The following SPIDR variants were observed in gnomAD, a reference collection of about 807,000 sequenced individuals.
SPIDR encodes DNA repair-scaffolding protein.
SPIDR carries 93 observed loss-of-function variants against 104.6 expected under a neutral mutation model. That is an observed-to-expected ratio of 0.89 (90% CI 0.75 to 1.06). The LOEUF (loss-of-function observed/expected upper bound fraction) is 1.06. SPIDR is among the 50% of genes least tolerant of loss of function. The pLI is 0.00. For missense variants in SPIDR, 1,154 were observed against 1,111.2 expected (o/e 1.04, Z -0.55); for synonymous variants, 431 against 416.9 (o/e 1.03, Z -0.41).
At chr8:47,429,097 A>G (rs914378274) in intron 7 of SPIDR, among the ~76,000 whole-genome samples, 1 of 152,234 alleles carries the variant, frequency 6.6e-6, no homozygotes, top group Admixed American at 6.5e-5. Context: ...GTTCACTGTT[A>G]GAGGTAGGAT....
intron 8 of SPIDR, among the ~76,000 whole-genome samples, chr8:47,534,948 G>A (rs1176729443): frequency 1.3e-5 from 2 of 152,216 alleles, no homozygotes; most frequent in East Asian, 1.9e-4. Context: ...AATATCCACA[G>A]TGAAAGAGTG....
At chr8:47,701,906 C>T (rs780921365) in intron 13 of SPIDR, 42 bp downstream of exon 13, 19 of 1,614,006 alleles carry the variant, frequency 1.2e-5, no homozygotes, top group East Asian at 6.7e-5. Flanking sequence ...GTATTGGCCA[C>T]GTCTGTGTGC....
intron 5 of SPIDR, among the ~76,000 whole-genome samples, chr8:47,381,759 G>T (rs1267014314): frequency 2.0e-5 from 3 of 152,212 alleles, no homozygotes; most frequent in Non-Finnish European, 4.4e-5. Flanking sequence ...GGCACCAGGC[G>T]CACAAGGTGT....
chr8:47,387,868 T>C (rs1389539515), intron 5 of SPIDR, among the ~76,000 whole-genome samples: 2 of 152,228 alleles, frequency 1.3e-5, no homozygotes, highest in Non-Finnish European at 2.9e-5. Flanking sequence ...AGCTTTCTGC[T>C]TTCTTCAGTG....
chr8:47,546,882 A>G (rs1238834529), intron 8 of SPIDR: 10 of 417,668 alleles, frequency 2.4e-5, no homozygotes, highest in Non-Finnish European at 4.2e-5. Flanking sequence ...CTCAGGGAAG[A>G]GAAATTAATG....
At chr8:47,428,113 G>A (rs575321918) in intron 7 of SPIDR, among the ~76,000 whole-genome samples, 21 of 152,266 alleles carry the variant, frequency 1.4e-4, no homozygotes, top group African/African-American at 5.1e-4. Context: ...TTGTAGAGAC[G>A]TGGTTTCACC....
intron 8 of SPIDR, among the ~76,000 whole-genome samples, chr8:47,483,623 A>G (rs2077166242): frequency 6.6e-6 from 1 of 152,210 alleles, no homozygotes; most frequent in South Asian, 2.1e-4. Context: ...GAATTGATGA[A>G]CAGTATCATT....
chr8:47,576,845 A>T (rs1464299209), intron 8 of SPIDR, among the ~76,000 whole-genome samples: 1 of 152,226 alleles, frequency 6.6e-6, no homozygotes, highest in Non-Finnish European at 1.5e-5. Context: ...GATAAAATGG[A>T]TTCCATTAGT....
At chr8:47,315,634 A>G (rs1024569329) in intron 5 of SPIDR, among the ~76,000 whole-genome samples, 1 of 152,204 alleles carries the variant, frequency 6.6e-6, no homozygotes, top group Non-Finnish European at 1.5e-5. Context: ...CCTTATTTCA[A>G]GATTTACTCT....
chr8:47,613,703 C>T (rs1412767292), intron 10 of SPIDR, among the ~76,000 whole-genome samples: 1 of 152,164 alleles, frequency 6.6e-6, no homozygotes, highest in Non-Finnish European at 1.5e-5. Context: ...TGGTATCTCA[C>T]TGTGGCTTTT....
At chr8:47,604,510 C>T (rs371976877) in intron 10 of SPIDR, among the ~76,000 whole-genome samples, 25 of 152,306 alleles carry the variant, frequency 1.6e-4, no homozygotes, top group African/African-American at 3.4e-4. Flanking sequence ...AGCAGAGAGA[C>T]GCAGGAAGCA....
chr8:47,295,831 T>C (rs926200979), intron 5 of SPIDR, among the ~76,000 whole-genome samples: 9 of 152,270 alleles, frequency 5.9e-5, no homozygotes, highest in African/African-American at 2.2e-4. Flanking sequence ...GATTATATGG[T>C]AGTTCTATTT....
intron 8 of SPIDR, among the ~76,000 whole-genome samples, chr8:47,513,118 C>G (rs1431537976): frequency 6.6e-6 from 1 of 152,180 alleles, no homozygotes; most frequent in African/African-American, 2.4e-5. Flanking sequence ...GCTGTTCAAA[C>G]AAATTTAAGC....
At chr8:47,414,037 G>T (rs2063885810) in intron 7 of SPIDR, among the ~76,000 whole-genome samples, 1 of 152,182 alleles carries the variant, frequency 6.6e-6, no homozygotes, top group African/African-American at 2.4e-5. Flanking sequence ...CAAAATGTAG[G>T]TCTGTATCAC....
At chr8:47,488,082 G>A (rs1404664974) in intron 8 of SPIDR, among the ~76,000 whole-genome samples, 1 of 152,034 alleles carries the variant, frequency 6.6e-6, no homozygotes, top group African/African-American at 2.4e-5. Context: ...TTTTTTGAAA[G>A]GATCAACAAA....
chr8:47,527,310 G>A (rs1225670494), intron 8 of SPIDR: 1 of 152,188 alleles, frequency 6.6e-6, no homozygotes, highest in African/African-American at 2.4e-5. Context: ...ATTTCCTCCA[G>A]CCTTCCTGTT....
At chr8:47,290,098 G>A (rs896917183) in intron 3 of SPIDR, among the ~76,000 whole-genome samples, 3 of 151,996 alleles carry the variant, frequency 2.0e-5, no homozygotes, top group African/African-American at 7.3e-5. Context: ...GGAGTGCAGT[G>A]GCTCGATCTC....
At chr8:47,730,171 T>C (rs992019555) in intron 19 of SPIDR, among the ~76,000 whole-genome samples, 8 of 152,180 alleles carry the variant, frequency 5.3e-5, no homozygotes, top group Non-Finnish European at 1.2e-4. Context: ...GTAATGTGAC[T>C]GTCCTGCCCT....
chr8:47,660,554 T>G (rs942667921), intron 10 of SPIDR: 4 of 981,838 alleles, frequency 4.1e-6, no homozygotes, highest in Non-Finnish European at 4.8e-6. Context: ...AACCACTTTC[T>G]GACTGCTGCC....
Sources: allele counts gnomAD v4.1 joint callset (sites outside exome capture counted in the v4.1 genomes callset), GRCh38; gene constraint gnomAD v4.1.1; transcripts MANE v1.5; gene names NCBI Gene and HGNC (gene_info 2026-07-23, HGNC 2026-07-21).